NUP205: variants seen among roughly 807,000 people sequenced by gnomAD.
NUP205 encodes nucleoporin 205.
Under a neutral mutation model 253.8 loss-of-function variants are expected in NUP205, and 76 were observed. That is an observed-to-expected ratio of 0.30 (90% CI 0.25 to 0.36). The LOEUF (loss-of-function observed/expected upper bound fraction) is 0.36, where lower values mean the gene tolerates loss of function less well. Ranked by LOEUF, NUP205 falls within the 10% of genes least tolerant of loss-of-function variation. The pLI is 1.00. For synonymous variants in NUP205, 832 were observed against 850.1 expected, an observed-to-expected ratio of 0.98 and a Z score of 0.37; for missense variants, 2,162 against 2,425.5, an observed-to-expected ratio of 0.89 and a Z score of 2.28.
chr7:135,591,202 A>G (rs905642295), intron 10 of NUP205, among the ~76,000 whole-genome samples: 4 of 152,174 alleles, frequency 2.6e-5, no homozygotes, highest in Non-Finnish European at 5.9e-5. Flanking sequence ...GTGGTCTTAT[A>G]TTTTGTGACA....
chr7:135,624,034 G>A (rs953508231), intron 31 of NUP205, among the ~76,000 whole-genome samples: 12 of 152,012 alleles, frequency 7.9e-5, no homozygotes, highest in Non-Finnish European at 1.8e-4. Flanking sequence ...CTCCCGCCTC[G>A]GCCTCCCAAA....
intron 38 of NUP205, among the ~76,000 whole-genome samples, chr7:135,639,816 C>T (rs890578038): frequency 1.3e-5 from 2 of 152,144 alleles, no homozygotes; most frequent in African/African-American, 4.8e-5. Flanking sequence ...CCCAAATGTC[C>T]ATCAATGATA....
chr7:135,584,900 T>A lies in NUP205; in HGVS notation c.1111T>A (p.Phe371Ile). The A allele has an allele frequency of 6.2e-7, 1 of 1,613,964 alleles. No individual in the cohort carries two copies. Among genetic ancestry groups the A allele is most frequent in the Non-Finnish European group, 8.5e-7 (1 of 1,179,826 alleles). The change falls in exon 8 of 43, where the codon TTC (phenylalanine) becomes ATC (isoleucine). Residue 371 changes from phenylalanine (F) to isoleucine (I), a missense_variant. Phe to Ile is a conservative substitution (Grantham distance 21). Around this residue, in one of 5 missense-constraint regions of NUP205, gnomAD observed 892 missense variants for 957.1 expected, o/e 0.93. Transcript: ENST00000285968. ...CGCAATTGCTGACAACGTTTTCCTG[T>A]TCCTCATGGAATCTGTAGTGGTATC... ...ELAIADNVFL[F>I]LMESVVVSEY... is the part of the protein sequence containing the mutation.
At chr7:135,606,074 A>T in intron 19 of NUP205, 71 bp from the exon 20 acceptor site, 1 of 1,003,172 alleles carries the variant, frequency 1.0e-6, no homozygotes, top group Non-Finnish European at 1.6e-6. Context: ...ATTTACATAT[A>T]TCAATCATAG....
chr7:135,611,120 CT>C lies in NUP205; in HGVS notation c.3196-3038del, dbSNP rs201319367. ...TCCCAGGTTCAAGCAATTCTCGTGC[CT>C]CAGTCTCCCAAGTAGCTGGGATTAC... is the stretch of plus-strand genomic sequence containing the variant. On this transcript the variant is annotated intron_variant, in intron 22 of 42. Coordinates refer to ENST00000285968, the MANE Select transcript of NUP205 (RefSeq NM_015135.3). Among the ~76,000 whole-genome samples the C allele has an allele frequency of 5.5e-3, 838 of 151,960 alleles. 13 individuals are homozygous for C. Among genetic ancestry groups the C allele is most frequent in the East Asian group, 0.049 (256 of 5,174 alleles).
At chr7:135,580,497 G>A (rs574027357) in intron 7 of NUP205, among the ~76,000 whole-genome samples, 5 of 152,084 alleles carry the variant, frequency 3.3e-5, no homozygotes, top group African/African-American at 7.2e-5. Flanking sequence ...ATGGAGTCTC[G>A]TTCTGTTGCC....
rs35690290 is a variant in NUP205, at chr7:135,616,773, TA to T, written c.3532+60del. 0.16 allele frequency: 136,383 copies of T among 844,618 alleles called. 2,656 individuals are homozygous for T. Among genetic ancestry groups the T allele is most frequent in the Non-Finnish European group, 0.18 (110,591 of 602,794 alleles). The allele number at this position is 844,618 out of a possible 1,614,324, so 52.3% of individuals were successfully genotyped here. A position where few individuals can be genotyped will look rare whatever the true frequency, so the allele number is the denominator to read the frequency against. On this transcript the variant is annotated intron_variant, in intron 25 of 42. Transcript: ENST00000285968. ...ATAAATTTATTTTATAGACATATAT[TA>T]AAAAAAAAAAAACTTCAAGGGATTA...
chr7:135,598,366 A>C (rs1273329388), intron 15 of NUP205, among the ~76,000 whole-genome samples, 159 bp downstream of exon 15: 1 of 152,192 alleles, frequency 6.6e-6, no homozygotes, highest in Non-Finnish European at 1.5e-5. Flanking sequence ...GTTTATGTGC[A>C]CTAAAAAATA....
intron 7 of NUP205, among the ~76,000 whole-genome samples, chr7:135,583,426 T>C (rs917283129): frequency 3.3e-5 from 5 of 152,138 alleles, no homozygotes; most frequent in Non-Finnish European, 7.4e-5. Flanking sequence ...TAAGTTACTC[T>C]AGATCAAGCC....
chr7:135,558,451 A>G (rs1805493651), intron 1 of NUP205, among the ~76,000 whole-genome samples: 1 of 152,188 alleles, frequency 6.6e-6, no homozygotes, highest in African/African-American at 2.4e-5. Flanking sequence ...GCCATCTGAA[A>G]GGTGGTCAGG....
At chr7:135,620,221 A>T (rs895747531) in intron 30 of NUP205, among the ~76,000 whole-genome samples, 12 of 152,136 alleles carry the variant, frequency 7.9e-5, no homozygotes, top group African/African-American at 2.7e-4. Flanking sequence ...ACATCAGAGT[A>T]CTTATCTAGT....
At chr7:135,645,363 A>T in intron 40 of NUP205, 105 bp from the exon 41 acceptor site, 2 of 1,136,688 alleles carry the variant, frequency 1.8e-6, no homozygotes, top group Non-Finnish European at 2.5e-6. Context: ...GGCTGTGGGT[A>T]CCTCATTAAG....
chr7:135,619,099 C>G (rs758629027), intron 28 of NUP205, among the ~76,000 whole-genome samples: 5 of 152,088 alleles, frequency 3.3e-5, no homozygotes, highest in African/African-American at 7.2e-5. Context: ...TGCAGTGATT[C>G]ATGCCTGCAA....
At chr7:135,605,449 T>C (rs1461103050) in intron 19 of NUP205, among the ~76,000 whole-genome samples, 1 of 152,216 alleles carries the variant, frequency 6.6e-6, no homozygotes, top group African/African-American at 2.4e-5. Flanking sequence ...TTAGCATCCC[T>C]AGATACCACT....
Position 135,589,065 on chromosome 7 carries a change from C to T in NUP205, c.1473+1073C>T, listed in dbSNP as rs118101852. Among the ~76,000 whole-genome samples, 383 of 150,528 alleles carry T rather than the reference C, an allele frequency of 2.5e-3. 8 individuals are homozygous for T. Among genetic ancestry groups the T allele is most frequent in the East Asian group, 0.024 (122 of 5,150 alleles). ...TCATGAGCCTGTAGTCCTAGCTGCT[C>T]AGGCTGAGGCAAGAGGACACGTTGA... On this transcript the variant is annotated intron_variant, in intron 10 of 42. Transcript: ENST00000285968.
At position 135,578,921 on chromosome 7, in the gene NUP205, T is replaced by C; in HGVS notation, c.1042+6T>C. The stretch of plus-strand genomic sequence containing the variant: ...CCAGCTACCTGATGTGACAGGTGAA[T>C]TGATTGTAGGTAATTTTGTTATGAG... On this transcript the variant is annotated splice_donor_region_variant and intron_variant, in intron 7 of 42. Coordinates refer to ENST00000285968, the MANE Select transcript of NUP205 (RefSeq NM_015135.3). The C allele has an allele frequency of 6.3e-7, 1 of 1,579,546 alleles. No homozygotes were observed. The highest frequency in any genetic ancestry group is 8.6e-7 in the Non-Finnish European group (1 of 1,167,090).
At chr7:135,607,724 C>G (rs925785860) in intron 22 of NUP205, among the ~76,000 whole-genome samples, 27 of 152,182 alleles carry the variant, frequency 1.8e-4, no homozygotes, top group African/African-American at 6.5e-4. Context: ...TCACCTTGGG[C>G]ATGGCATGAA....
intron 1 of NUP205, among the ~76,000 whole-genome samples, 192 bp from the exon 2 acceptor site, chr7:135,570,913 A>G (rs1805980416): frequency 7.8e-6 from 1 of 127,720 alleles, no homozygotes; most frequent in Non-Finnish European, 1.6e-5. Context: ...TATATAATAT[A>G]TTAATATAAT....
intron 18 of NUP205, among the ~76,000 whole-genome samples, chr7:135,603,325 G>A (rs1461018354): frequency 2.6e-5 from 4 of 151,720 alleles, no homozygotes; most frequent in African/African-American, 9.7e-5. Flanking sequence ...ATGTTGGTGA[G>A]GCTGGTCTTG....
Sources: gnomAD v4.1 joint callset for allele counts (sites outside exome capture counted in the v4.1 genomes callset) on GRCh38, gnomAD v4.1.1 for gene constraint, gnomAD v4.1.1 regional missense constraint, MANE v1.5 for transcripts, NCBI Gene and HGNC (gene_info 2026-07-23, HGNC 2026-07-21) for gene names.